Variants in TNKS observed in about 807,000 individuals in gnomAD.
TNKS encodes the protein tankyrase.
Under a neutral mutation model 135.8 loss-of-function variants are expected in TNKS, and 72 were observed. The ratio of observed to expected loss-of-function variants is 0.53; its 90% confidence interval spans 0.44 to 0.64. The LOEUF is 0.64. TNKS is among the 30% of genes least tolerant of loss of function. TNKS has a pLI of 0.00. For synonymous variants in TNKS, 849 were observed against 649.3 expected, an observed-to-expected ratio of 1.31 and a Z score of -4.68; for missense variants, 1,769 against 1,674.0, an observed-to-expected ratio of 1.06 and a Z score of -0.99.
intron 2 of TNKS, among the ~76,000 whole-genome samples, chr8:9,601,240 ATC>A (rs1297912916): frequency 1.4e-4 from 22 of 151,980 alleles, no homozygotes; most frequent in Non-Finnish European, 1.5e-5. Flanking sequence ...TAGTTTTTTT[ATC>A]TCTGTTATGA....
chr8:9,630,821 T>C (rs1488833228), intron 3 of TNKS, among the ~76,000 whole-genome samples: 1 of 152,212 alleles, frequency 6.6e-6, no homozygotes, highest in African/African-American at 2.4e-5. Context: ...TCTAAAACTT[T>C]TCTATTCAAT....
chr8:9,726,674 A>T lies in TNKS; in HGVS notation c.1955A>T (p.Tyr652Phe). 6.2e-7 allele frequency: 1 copy of T among 1,613,552 alleles called. No individual in the cohort carries two copies. Among genetic ancestry groups the T allele is most frequent in the Non-Finnish European group, 8.5e-7 (1 of 1,179,826 alleles). The change falls in exon 13 of 27, where the codon TAT (tyrosine) becomes TTT (phenylalanine). Residue 652 changes from tyrosine (Y) to phenylalanine (F), a missense_variant. Coordinates refer to ENST00000310430, the MANE Select transcript of TNKS (RefSeq NM_003747.3). ...STPIRTSDVD[Y>F]RLLEASKAGD... Reference sequence around the variant, plus strand: ...CCTATACGTACTTCTGATGTTGATTATCGACTCTTAGAGGCATCTAAAGCT... The same window carrying T: ...CCTATACGTACTTCTGATGTTGATTTTCGACTCTTAGAGGCATCTAAAGCT...
intron 17 of TNKS, chr8:9,741,600 G>A (rs769284913): frequency 1.8e-5 from 7 of 393,726 alleles, no homozygotes; most frequent in African/African-American, 4.0e-5. Context: ...CTTTATAGCT[G>A]TCACAGAGGA....
chr8:9,568,412 C>T (rs895333356), intron 1 of TNKS, among the ~76,000 whole-genome samples: 1 of 152,120 alleles, frequency 6.6e-6, no homozygotes, highest in African/African-American at 2.4e-5. Context: ...TGCTTTTTCA[C>T]ACTCTTAAAA....
chr8:9,693,304 A>G (rs115690275), intron 5 of TNKS, among the ~76,000 whole-genome samples: 3,301 of 152,326 alleles, frequency 0.022, 98 homozygotes, highest in African/African-American at 0.076. Context: ...TCATAGAAGA[A>G]TATAATAACA....
At chr8:9,740,425 T>C (rs533100999) in intron 17 of TNKS, among the ~76,000 whole-genome samples, 16 of 152,296 alleles carry the variant, frequency 1.1e-4, no homozygotes, top group African/African-American at 3.8e-4. Flanking sequence ...ATATTCTTCC[T>C]CCTACCGCCT....
chr8:9,741,233 C>T (rs1805943046), intron 17 of TNKS: 1 of 152,742 alleles, frequency 6.5e-6, no homozygotes, highest in Non-Finnish European at 1.5e-5. Context: ...TTTTGCTAAG[C>T]TTCAGTTAAG....
At chr8:9,648,441 A>G (rs1021640109) in intron 3 of TNKS, among the ~76,000 whole-genome samples, 3 of 152,220 alleles carry the variant, frequency 2.0e-5, no homozygotes, top group Non-Finnish European at 2.9e-5. Context: ...ACACAAAAAC[A>G]CATGTTAGTC....
chr8:9,647,741 C>G (rs1167347476), intron 3 of TNKS, among the ~76,000 whole-genome samples: 1 of 152,128 alleles, frequency 6.6e-6, no homozygotes, highest in Admixed American at 6.6e-5. Flanking sequence ...TGGGAATGCT[C>G]TGCGTTTTAT....
In TNKS at chr8:9,695,210, T is replaced by A. The variant is rs866350682; in HGVS notation, c.1108-9453T>A. ...CCAGGCACATAACAGTATATAGGTC[T>A]TCCAAAGCAGATAGCTACATTATGA... On this transcript the variant is annotated intron_variant, in intron 5 of 26. Transcript: ENST00000310430. 2.6e-5 allele frequency among the ~76,000 whole-genome samples: 4 copies of A among 152,344 alleles called. 1 individual carries two copies. In the Middle Eastern group the frequency reaches 0.014, roughly 518 times the overall value.
intron 3 of TNKS, among the ~76,000 whole-genome samples, chr8:9,622,075 T>C (rs189825531): frequency 8.9e-4 from 135 of 152,336 alleles, no homozygotes; most frequent in African/African-American, 3.0e-3. Flanking sequence ...CAGGAAAATT[T>C]AAAGTTTTAT....
chr8:9,598,805 A>G lies in TNKS; in HGVS notation c.899-16777A>G, dbSNP rs1201290940. 5.8e-4 allele frequency among the ~76,000 whole-genome samples: 58 copies of G among 99,396 alleles called. 3 individuals are homozygous for G. The highest frequency in any genetic ancestry group is 8.1e-4 in the Non-Finnish European group (39 of 48,302). The allele number at this position is 99,396 out of a possible 152,430, so 65.2% of individuals were successfully genotyped here. A position where few individuals can be genotyped will look rare whatever the true frequency, so the allele number is the denominator to read the frequency against. ...TATATATATATATATATATATATATATATATATATATATGAATGAATTGGT... is the reference window on the plus strand; with the variant it reads ...TATATATATATATATATATATATATGTATATATATATATGAATGAATTGGT... On this transcript the variant is annotated intron_variant, in intron 2 of 26. Transcript: ENST00000310430.
chr8:9,727,203 C>G (rs1163736869), intron 13 of TNKS, among the ~76,000 whole-genome samples: 2 of 152,178 alleles, frequency 1.3e-5, no homozygotes, highest in South Asian at 4.1e-4. Flanking sequence ...TGGAATTATT[C>G]ATATGCAGAA....
intron 3 of TNKS, among the ~76,000 whole-genome samples, chr8:9,659,522 G>A (rs1434926134): frequency 6.6e-6 from 1 of 152,100 alleles, no homozygotes; most frequent in Admixed American, 6.5e-5. Context: ...AAATAAAGAT[G>A]TTCTTTGAAA....
chr8:9,711,549 T>C lies in TNKS; in HGVS notation c.1749+1329T>C, dbSNP rs6999232. Among the ~76,000 whole-genome samples, 321 of 152,342 alleles carry C rather than the reference T, an allele frequency of 2.1e-3. 3 individuals are homozygous for C. Among genetic ancestry groups the C allele is most frequent in the African/African-American group, 7.4e-3 (308 of 41,574 alleles). ...GCTTTTATAGTGTAAAAAGGTGGTCTGGTTATTTTGTGAAGTAGTATTTTA... is the reference window on the plus strand; with the variant it reads ...GCTTTTATAGTGTAAAAAGGTGGTCCGGTTATTTTGTGAAGTAGTATTTTA... On this transcript the variant is annotated intron_variant, in intron 11 of 26. Coordinates refer to ENST00000310430, the MANE Select transcript of TNKS (RefSeq NM_003747.3).
chr8:9,619,744 G>C (rs1156630890), intron 3 of TNKS, among the ~76,000 whole-genome samples: 1 of 151,610 alleles, frequency 6.6e-6, no homozygotes, highest in Non-Finnish European at 1.5e-5. Flanking sequence ...TGTTCTTGCT[G>C]AGACTGGCTT....
intron 1 of TNKS, among the ~76,000 whole-genome samples, chr8:9,560,574 A>G (rs986466060): frequency 1.5e-5 from 2 of 136,470 alleles, no homozygotes; most frequent in African/African-American, 5.7e-5. Flanking sequence ...AGAAGTCACC[A>G]TATACTCTAG....
At chr8:9,600,683 C>T (rs187250572) in intron 2 of TNKS, among the ~76,000 whole-genome samples, 7 of 152,190 alleles carry the variant, frequency 4.6e-5, no homozygotes, top group African/African-American at 1.7e-4. Flanking sequence ...AAAAAAGTTA[C>T]ATGTAATGAG....
At chr8:9,681,499 G>T (rs530308451) in intron 5 of TNKS, among the ~76,000 whole-genome samples, 2 of 151,914 alleles carry the variant, frequency 1.3e-5, no homozygotes, top group Non-Finnish European at 2.9e-5. Flanking sequence ...AGTGATTTAC[G>T]TAATAGACAT....
Sources: allele counts gnomAD v4.1 joint callset (sites outside exome capture counted in the v4.1 genomes callset), GRCh38; gene constraint gnomAD v4.1.1; transcripts MANE v1.5; gene names NCBI Gene and HGNC (gene_info 2026-07-23, HGNC 2026-07-21).